The following MACROD2 variants were observed in gnomAD, a reference collection of about 807,000 sequenced individuals.
The protein encoded by MACROD2 is ADP-ribose glycohydrolase MACROD2.
In MACROD2, 36 loss-of-function variants were observed where a neutral mutation model predicts 70.4. That is an observed-to-expected ratio of 0.51 (90% CI 0.39 to 0.68). The LOEUF (loss-of-function observed/expected upper bound fraction) is 0.68. Among genes scored for constraint, MACROD2 ranks in the 30% least tolerant of loss-of-function variants. The probability of loss-of-function intolerance (pLI) is 0.00; values close to 1 mark genes in which losing one functional copy is unlikely to be tolerated. For synonymous variants in MACROD2, 172 were observed against 178.8 expected (o/e 0.96, Z 0.30); for missense variants, 496 against 538.4 (o/e 0.92, Z 0.78).
chr20:14,276,933 C>T (rs965487117), intron 3 of MACROD2, among the ~76,000 whole-genome samples: 7 of 152,250 alleles, frequency 4.6e-5, no homozygotes, highest in East Asian at 1.9e-4. Context: ...AAAATACTGT[C>T]GGACCATGTC....
At chr20:14,928,892 T>G (rs1234591637) in intron 5 of MACROD2, among the ~76,000 whole-genome samples, 4 of 152,154 alleles carry the variant, frequency 2.6e-5, no homozygotes, top group South Asian at 2.1e-4. Context: ...ACGCTTCCTG[T>G]TTTTAATCAC....
At chr20:14,031,835 C>A (rs1277243091) in intron 2 of MACROD2, among the ~76,000 whole-genome samples, 2 of 152,008 alleles carry the variant, frequency 1.3e-5, no homozygotes, top group Admixed American at 6.6e-5. Flanking sequence ...ATTTAATGCA[C>A]CATTGTGTCA....
intron 8 of MACROD2, among the ~76,000 whole-genome samples, chr20:15,847,494 T>A (rs1362581337): frequency 1.3e-5 from 2 of 152,224 alleles, no homozygotes; most frequent in East Asian, 1.9e-4. Context: ...TTATTTTGAC[T>A]GGCCTTAAAT....
At chr20:14,484,832 A>G (rs1407031464) in intron 3 of MACROD2, among the ~76,000 whole-genome samples, 2 of 152,134 alleles carry the variant, frequency 1.3e-5, no homozygotes, top group Non-Finnish European at 2.9e-5. Context: ...TTCTTTATCC[A>G]TTCATCTGTT....
chr20:15,318,450 A>C (rs1018743171), intron 6 of MACROD2, among the ~76,000 whole-genome samples: 3 of 152,160 alleles, frequency 2.0e-5, no homozygotes, highest in African/African-American at 7.2e-5. Flanking sequence ...TGGAAGAGGG[A>C]ACATGTTCTA....
At chr20:14,188,905 G>A (rs1373140688) in intron 3 of MACROD2, among the ~76,000 whole-genome samples, 1 of 152,040 alleles carries the variant, frequency 6.6e-6, no homozygotes, top group African/African-American at 2.4e-5. Flanking sequence ...TATTTATGTG[G>A]CATTTGTAAT....
intron 3 of MACROD2, among the ~76,000 whole-genome samples, chr20:14,174,380 A>G (rs1225334493): frequency 6.6e-6 from 1 of 152,036 alleles, no homozygotes; most frequent in African/African-American, 2.4e-5. Flanking sequence ...TTCTCAGGCT[A>G]ATGGAGTTAT....
intron 3 of MACROD2, among the ~76,000 whole-genome samples, chr20:14,441,660 T>A (rs940852689): frequency 2.6e-5 from 4 of 152,120 alleles, no homozygotes; most frequent in Non-Finnish European, 4.4e-5. Context: ...TGTAGGAGCA[T>A]CAGAAATGAC....
intron 15 of MACROD2, among the ~76,000 whole-genome samples, chr20:15,992,555 G>T (rs1334871475): frequency 1.3e-5 from 2 of 152,108 alleles, no homozygotes. Context: ...GAATGTTAGG[G>T]TCAATACTTG....
intron 6 of MACROD2, among the ~76,000 whole-genome samples, chr20:15,297,419 T>C (rs545668811): frequency 6.6e-6 from 1 of 152,300 alleles, no homozygotes; most frequent in African/African-American, 2.4e-5. Context: ...CAACTTTCTT[T>C]TTAATTAAGA....
At chr20:15,417,965 C>T (rs1464877729) in intron 6 of MACROD2, among the ~76,000 whole-genome samples, 9 of 152,142 alleles carry the variant, frequency 5.9e-5, no homozygotes, top group Non-Finnish European at 1.5e-5. Context: ...TTCTCAAGGA[C>T]CGAGGATGCT....
intron 8 of MACROD2, among the ~76,000 whole-genome samples, chr20:15,813,981 T>A (rs6135550): frequency 6.6e-6 from 1 of 151,946 alleles, no homozygotes; most frequent in South Asian, 2.1e-4. Context: ...AGTAATATTG[T>A]CAAGTAAATA....
chr20:15,728,525 T>C (rs2050897506), intron 8 of MACROD2, among the ~76,000 whole-genome samples: 1 of 152,162 alleles, frequency 6.6e-6, no homozygotes, highest in African/African-American at 2.4e-5. Flanking sequence ...ATTTGTCTGA[T>C]CCTGGGCTTT....
chr20:15,535,260 G>A (rs186246615), intron 8 of MACROD2, among the ~76,000 whole-genome samples: 3 of 152,158 alleles, frequency 2.0e-5, no homozygotes, highest in Non-Finnish European at 4.4e-5. Flanking sequence ...ACAGGCATGA[G>A]CCACCACATC....
intron 2 of MACROD2, among the ~76,000 whole-genome samples, chr20:14,082,177 C>CTTTTTTTTTTTTTTTTTTTTTTTTTTTT: frequency 1.1e-5 from 1 of 93,172 alleles, no homozygotes; most frequent in Non-Finnish European, 1.9e-5. Flanking sequence ...CTTTTTTTTT[C>CTTTTTTTTTTTTTTTTTTTTTTTTTTTT]TTTTTTTTTT....
chr20:15,552,485 G>C (rs963523651), intron 8 of MACROD2: 1 of 152,228 alleles, frequency 6.6e-6, no homozygotes, highest in Non-Finnish European at 1.5e-5. Context: ...TGTTTTTAAT[G>C]CTGTATGTGA....
chr20:15,535,572 T>C (rs571781106), intron 8 of MACROD2, among the ~76,000 whole-genome samples: 1 of 152,326 alleles, frequency 6.6e-6, no homozygotes, highest in East Asian at 1.9e-4. Flanking sequence ...ATTATTATAC[T>C]GAGAGCTTCA....
chr20:15,395,455 C>A (rs141888065), intron 6 of MACROD2, among the ~76,000 whole-genome samples: 1,639 of 152,006 alleles, frequency 0.011, 45 homozygotes, highest in African/African-American at 0.038. Flanking sequence ...TTAATTAACA[C>A]AAGGGTTGGC....
intron 10 of MACROD2, among the ~76,000 whole-genome samples, chr20:15,924,112 A>G (rs956924898): frequency 5.3e-5 from 8 of 152,226 alleles, no homozygotes. Flanking sequence ...CTGAACTTCA[A>G]AATTCCAAAT....
Sources: allele counts gnomAD v4.1 joint callset (sites outside exome capture counted in the v4.1 genomes callset), GRCh38; gene constraint gnomAD v4.1.1; transcripts MANE v1.5; gene names NCBI Gene and HGNC (gene_info 2026-07-23, HGNC 2026-07-21).